The following WASHC2C variants were observed in gnomAD, a reference collection of about 807,000 sequenced individuals.
The protein encoded by WASHC2C is Vaccinia Penetration Factor.
A neutral mutation model predicts 142.2 loss-of-function variants in WASHC2C; 73 were observed. That is an observed-to-expected ratio of 0.51 (90% confidence interval 0.43 to 0.62). The LOEUF is 0.62. Ranked by LOEUF, WASHC2C falls within the 20% of genes least tolerant of loss-of-function variation. WASHC2C has a pLI of 0.00. For missense variants in WASHC2C, 969 were observed against 1,531.7 expected (o/e 0.63, Z 6.13); for synonymous variants, 337 against 565.5 (o/e 0.60, Z 5.73).
chr10:45,788,292 A>C (rs1314699882), intron 28 of WASHC2C, among the ~76,000 whole-genome samples: 1 of 152,198 alleles, frequency 6.6e-6, no homozygotes, highest in Non-Finnish European at 1.5e-5. Flanking sequence ...AGATTATATG[A>C]AAAGTTCTGA....
In WASHC2C at chr10:45,755,113, C is replaced by T. The variant is rs2054080339; in HGVS notation, c.1418C>T (p.Thr473Ile). The T allele has an allele frequency of 5.6e-6, 9 of 1,606,388 alleles. No individual in the cohort carries two copies. The highest frequency in any genetic ancestry group is 3.3e-5 in the South Asian group (3 of 90,580). Reference protein sequence around the residue: ...FSAPHSKPSKTRKVQSTADIF... With the variant: ...FSAPHSKPSKIRKVQSTADIF... ...GCACCCCACAGCAAACCTTCTAAAA[C>T]ACGTATGTGTTCCTGCCTCCGTTTC... Residue 473 changes from threonine (T) to isoleucine (I), a missense_variant and splice_region_variant, in exon 15 of 31, where the codon ACA becomes ATA. Thr to Ile is a moderately conservative substitution (Grantham distance 89, BLOSUM62 -1). Coordinates refer to ENST00000623400, the MANE Select transcript of WASHC2C (RefSeq NM_001330074.2).
chr10:45,756,861 T>C, intron 15 of WASHC2C, 151 bp from the exon 16 acceptor site: 2 of 838,538 alleles, frequency 2.4e-6, no homozygotes, highest in Non-Finnish European at 3.7e-6. Flanking sequence ...AAGGGAAGAG[T>C]ATAGTTCCAC....
At chr10:45,742,187 A>G (rs1307112348) in intron 5 of WASHC2C, among the ~76,000 whole-genome samples, 114 of 151,898 alleles carry the variant, frequency 7.5e-4, no homozygotes, top group African/African-American at 2.7e-3. Context: ...TTGGGGCCAC[A>G]GTCTCCTGCC....
chr10:45,727,661 C>G, intron 2 of WASHC2C, 122 bp downstream of exon 2: 8 of 1,262,406 alleles, frequency 6.3e-6, no homozygotes, highest in Admixed American at 2.9e-5. Context: ...CTTAGGAACA[C>G]ACGCCCCGTT....
intron 21 of WASHC2C, among the ~76,000 whole-genome samples, chr10:45,775,094 G>A (rs1228439122): frequency 2.3e-5 from 3 of 129,922 alleles, no homozygotes; most frequent in East Asian, 4.6e-4. Context: ...TTCAGCTTTC[G>A]TTCATAGGCC....
At chr10:45,749,836 A>AAAAAAATATATATAT (rs1227809519) in intron 8 of WASHC2C, among the ~76,000 whole-genome samples, 1 of 101,780 alleles carries the variant, frequency 9.8e-6, no homozygotes, top group African/African-American at 4.4e-5. Flanking sequence ...AAAAAAAAAA[A>AAAAAAATATATATAT]ATATATATAT....
At chr10:45,777,467 G>C (rs376457026) in intron 22 of WASHC2C, 42 bp downstream of exon 22, 1 of 1,612,550 alleles carries the variant, frequency 6.2e-7, no homozygotes, top group South Asian at 1.1e-5. Flanking sequence ...TTTGTCTCTC[G>C]TATGTTGTTT....
chr10:45,790,668 G>A (rs2058342564), intron 30 of WASHC2C, 135 bp downstream of exon 30: 22 of 748,930 alleles, frequency 2.9e-5, no homozygotes. Context: ...TCCTGAGTTA[G>A]GCTGAAGATA....
In WASHC2C at chr10:45,789,051, G is replaced by A. The variant is rs1401615880; in HGVS notation, c.3268G>A (p.Asp1090Asn). 8.1e-6 allele frequency: 13 copies of A among 1,612,080 alleles called. No homozygotes were observed. Among genetic ancestry groups the A allele is most frequent in the Admixed American group, 3.3e-5 (2 of 60,020 alleles). The change falls in exon 29 of 31, where the codon GAC (aspartate) becomes AAC (asparagine). Residue 1090 changes from aspartate (D) to asparagine (N), a missense_variant. Transcript: ENST00000623400. Reference protein sequence around the residue: ...RPQLRAASGEDSTEEALAAAA... With the variant: ...RPQLRAASGENSTEEALAAAA... Reference sequence around the variant, plus strand: ...ACAGCTCAGAGCAGCCAGTGGAGAAGACAGCACTGAGGAGGCCCTGGCAGC... The same window carrying A: ...ACAGCTCAGAGCAGCCAGTGGAGAAAACAGCACTGAGGAGGCCCTGGCAGC...
In WASHC2C at chr10:45,754,505, T is replaced by C. The variant is rs782449175; in HGVS notation, c.1200T>C (p.Pro400=). The C allele has an allele frequency of 2.2e-5, 35 of 1,601,152 alleles. No homozygotes were observed. The highest frequency in any genetic ancestry group is 2.9e-5 in the Non-Finnish European group (34 of 1,173,962). Residue 400 remains proline, a synonymous_variant, in exon 14 of 31, where the codon CCT becomes CCC. Transcript: ENST00000623400. ...TTCTAGAGTCTTCATCATCCAAACC[T>C]GGAAAGAAAATCCCAGCAGGAGCTG... ...SVKEESSSSK[P]GKKIPAGAVS...
At chr10:45,748,881 C>T (rs1313396090) in intron 8 of WASHC2C, among the ~76,000 whole-genome samples, 1 of 152,222 alleles carries the variant, frequency 6.6e-6, no homozygotes, top group Non-Finnish European at 1.5e-5. Flanking sequence ...TAACTGGGAT[C>T]ATGCTCTGGG....
chr10:45,766,255 C>T (rs1317788927), intron 19 of WASHC2C, among the ~76,000 whole-genome samples: 4 of 152,280 alleles, frequency 2.6e-5, no homozygotes, highest in East Asian at 1.9e-4. Flanking sequence ...GATGAAGAAG[C>T]GGACAGTTTT....
chr10:45,751,878 G>A (rs1425647758), intron 11 of WASHC2C, among the ~76,000 whole-genome samples: 3 of 152,106 alleles, frequency 2.0e-5, no homozygotes, highest in Non-Finnish European at 4.4e-5. Flanking sequence ...TTGGGAGGCT[G>A]AGGCAGGAGA....
chr10:45,785,546 C>T lies in WASHC2C; in HGVS notation c.2726C>T (p.Ser909Phe), dbSNP rs531624281. The T allele has an allele frequency of 1.9e-6, 3 of 1,613,894 alleles. No individual in the cohort carries two copies. The highest frequency in any genetic ancestry group is 1.3e-5 in the African/African-American group (1 of 74,994). Residue 909 changes from serine (S) to phenylalanine (F), a missense_variant, in exon 26 of 31, where the codon TCT (serine) becomes TTT (phenylalanine). Physicochemically the swap from Ser to Phe is radical, Grantham distance 155. Coordinates refer to ENST00000623400, the MANE Select transcript of WASHC2C (RefSeq NM_001330074.2). ...EKKRVVKKDH[S>F]VNSFKNQKHP... ...AAGAGAGTAGTGAAAAAAGACCACTCTGTTAACTCTTTCAAAAACCAGAAA... is the reference window on the plus strand; with the variant it reads ...AAGAGAGTAGTGAAAAAAGACCACTTTGTTAACTCTTTCAAAAACCAGAAA...
At chr10:45,774,130 C>CAAAA (rs2056880156) in intron 21 of WASHC2C, among the ~76,000 whole-genome samples, 1 of 92,670 alleles carries the variant, frequency 1.1e-5, no homozygotes, top group African/African-American at 4.3e-5. Context: ...AAATAAACTC[C>CAAAA]AAACAAAAAA....
intron 2 of WASHC2C, among the ~76,000 whole-genome samples, 158 bp downstream of exon 2, chr10:45,727,697 A>G (rs2050037335): frequency 6.6e-6 from 1 of 151,962 alleles, no homozygotes. Flanking sequence ...CCACCCTGGC[A>G]GTCCCCGGCC....
chr10:45,779,983 C>CA (rs1212129330), intron 23 of WASHC2C, among the ~76,000 whole-genome samples: 822 of 68,728 alleles, frequency 0.012, 8 homozygotes, highest in East Asian at 0.023. Context: ...GACTCCATCT[C>CA]AAAAAAAAAA....
chr10:45,731,175 G>A (rs1589546922), intron 3 of WASHC2C, among the ~76,000 whole-genome samples: 1 of 147,136 alleles, frequency 6.8e-6, no homozygotes, highest in East Asian at 2.0e-4. Flanking sequence ...GTCCAATACT[G>A]GGGATTTCCT....
intron 23 of WASHC2C, among the ~76,000 whole-genome samples, chr10:45,784,274 A>G (rs1346952040): frequency 1.6e-4 from 1 of 6,260 alleles, no homozygotes; most frequent in African/African-American, 2.9e-4. Context: ...ATATATATAT[A>G]TATATATATA....
Sources: gnomAD v4.1 joint callset for allele counts (sites outside exome capture counted in the v4.1 genomes callset) on GRCh38, gnomAD v4.1.1 for gene constraint, MANE v1.5 for transcripts, NCBI Gene and HGNC (gene_info 2026-07-23, HGNC 2026-07-21) for gene names.